BTRC: variants seen among roughly 807,000 people sequenced by gnomAD.
The protein encoded by BTRC is beta-transducin repeat containing E3 ubiquitin protein ligase.
BTRC carries 42 observed loss-of-function variants against 85.5 expected under a neutral mutation model. That is an observed-to-expected ratio of 0.49 (90% CI 0.38 to 0.64). BTRC has a LOEUF of 0.64. Ranked by LOEUF, BTRC falls within the 30% of genes least tolerant of loss-of-function variation. The pLI is 0.00. For synonymous variants in BTRC, 255 were observed against 263.3 expected (o/e 0.97, Z 0.30); for missense variants, 594 against 743.5 (o/e 0.80, Z 2.34).
intron 2 of BTRC, among the ~76,000 whole-genome samples, chr10:101,433,905 G>A (rs1446150980): frequency 6.6e-6 from 1 of 151,692 alleles, no homozygotes; most frequent in African/African-American, 2.4e-5. Context: ...AAGTGCTTTT[G>A]TTTATATGGC....
intron 3 of BTRC, among the ~76,000 whole-genome samples, chr10:101,467,676 A>C (rs1945416287): frequency 6.6e-6 from 1 of 151,820 alleles, no homozygotes; most frequent in African/African-American, 2.4e-5. Flanking sequence ...TTGCCCTCCT[A>C]AAGTGCTTTG....
intron 1 of BTRC, among the ~76,000 whole-genome samples, chr10:101,413,164 G>A (rs574670329): frequency 7.9e-5 from 12 of 152,110 alleles, no homozygotes; most frequent in East Asian, 7.8e-4. Context: ...TTGCTCTGTC[G>A]CCCAGGCTAG....
At chr10:101,484,226 CCACT>C (rs1332072047) in intron 4 of BTRC, among the ~76,000 whole-genome samples, 7 of 152,146 alleles carry the variant, frequency 4.6e-5, no homozygotes, top group Admixed American at 1.3e-4. Context: ...ATGTTCCTTT[CCACT>C]CACTCCAGAT....
At chr10:101,354,292 GGCCGCCCGCCCACT>G (rs1316859779) in intron 1 of BTRC, 64 bp downstream of exon 1, 1 of 1,529,738 alleles carries the variant, frequency 6.5e-7, no homozygotes, top group African/African-American at 1.4e-5. Context: ...CGCTGGCCTG[GGCCGCCCGCCCACT>G]GCGGGACCGG....
chr10:101,530,842 C>T (rs564399896), intron 6 of BTRC, among the ~76,000 whole-genome samples: 35 of 152,226 alleles, frequency 2.3e-4, no homozygotes, highest in Admixed American at 7.2e-4. Flanking sequence ...GAATGGTAAC[C>T]GTGAAAACAC....
In BTRC at chr10:101,483,969, T is replaced by C. The variant is rs1303342242; in HGVS notation, c.324+4512T>C. ...TGCAAATTTTGGTCTTAGGTTTTTT[T>C]CCCTAATTTACCCTTACCCACACCC... On this transcript the variant is annotated intron_variant, in intron 4 of 14. Transcript: ENST00000370187. 3.3e-5 allele frequency among the ~76,000 whole-genome samples: 5 copies of C among 152,324 alleles called. No individual in the cohort carries two copies. The East Asian group carries it at 5.8e-4, about 18-fold the overall frequency.
rs143730581 is a variant in BTRC, at chr10:101,374,839, A to G, written c.48+20611A>G. On this transcript the variant is annotated intron_variant, in intron 1 of 14. Transcript: ENST00000370187. ...GCATAAAAAGTAGGCTGAACTGAAG[A>G]TTGAAGATCTCTGGACCAGCTGTAC... 6.9e-3 allele frequency among the ~76,000 whole-genome samples: 1,053 copies of G among 152,188 alleles called. 5 individuals carry two copies. Among genetic ancestry groups the G allele is most frequent in the Middle Eastern group, 0.02 (6 of 294 alleles).
At chr10:101,367,014 A>T (rs1295447244) in intron 1 of BTRC, among the ~76,000 whole-genome samples, 3 of 71,636 alleles carry the variant, frequency 4.2e-5, no homozygotes, top group Non-Finnish European at 5.5e-5. Flanking sequence ...ATTTATATAT[A>T]TATTTATATT....
chr10:101,531,183 T>G, intron 6 of BTRC, 54 bp from the exon 7 acceptor site: 1 of 1,360,002 alleles, frequency 7.4e-7, no homozygotes, highest in Non-Finnish European at 1.0e-6. Context: ...AATATATATG[T>G]ATTTAAATAT....
intron 4 of BTRC, among the ~76,000 whole-genome samples, chr10:101,500,233 A>G (rs117898309): frequency 0.018 from 2,796 of 152,192 alleles, 41 homozygotes; most frequent in Non-Finnish European, 0.028. Flanking sequence ...TGGTATACCT[A>G]TTACTCCTAG....
intron 6 of BTRC, among the ~76,000 whole-genome samples, chr10:101,526,682 A>G (rs1261132549): frequency 6.6e-6 from 1 of 152,264 alleles, no homozygotes; most frequent in African/African-American, 2.4e-5. Context: ...GTAGAGGCTG[A>G]GGCAGGAGAA....
chr10:101,359,619 A>ATTTT (rs1942143888), intron 1 of BTRC, among the ~76,000 whole-genome samples: 1 of 77,888 alleles, frequency 1.3e-5, no homozygotes, highest in Non-Finnish European at 3.6e-5. Context: ...TTTTTTTTTG[A>ATTTT]GATGGAGTTT....
chr10:101,531,536 A>G (rs763114494), intron 7 of BTRC, among the ~76,000 whole-genome samples: 4 of 152,088 alleles, frequency 2.6e-5, no homozygotes, highest in African/African-American at 7.2e-5. Context: ...CCTGGCTAAC[A>G]TGGTGAGACC....
chr10:101,532,800 G>GCGCGCA, intron 8 of BTRC, 152 bp from the exon 9 acceptor site: 1 of 637,958 alleles, frequency 1.6e-6, no homozygotes, highest in South Asian at 1.9e-5. Flanking sequence ...GCGCGTGTGC[G>GCGCGCA]CGCGCGCGCG....
chr10:101,476,922 G>A (rs1945704843), intron 3 of BTRC, among the ~76,000 whole-genome samples: 1 of 152,054 alleles, frequency 6.6e-6, no homozygotes, highest in African/African-American at 2.4e-5. Context: ...ACGTCAACTG[G>A]GGCCTTGTTA....
chr10:101,442,951 G>A (rs936908159), intron 2 of BTRC, among the ~76,000 whole-genome samples: 2 of 139,572 alleles, frequency 1.4e-5, no homozygotes, highest in African/African-American at 2.8e-5. Context: ...GTGCCATCTC[G>A]GCTCACTGCA....
intron 2 of BTRC, among the ~76,000 whole-genome samples, chr10:101,451,449 A>T (rs1275513162): frequency 1.3e-5 from 2 of 152,200 alleles, no homozygotes; most frequent in Non-Finnish European, 2.9e-5. Flanking sequence ...AAAGGCAGCC[A>T]TCTATCTAGG....
chr10:101,385,458 A>T (rs1943045123), intron 1 of BTRC, among the ~76,000 whole-genome samples: 1 of 151,354 alleles, frequency 6.6e-6, no homozygotes, highest in African/African-American at 2.4e-5. Flanking sequence ...GAAGGAAGAA[A>T]AATACTGTTT....
In BTRC at chr10:101,354,214, G is replaced by A. The variant is rs1047059812; in HGVS notation, c.34G>A (p.Ala12Thr). The A allele has an allele frequency of 2.6e-6, 4 of 1,549,250 alleles. No individual in the cohort carries two copies. Among genetic ancestry groups the A allele is most frequent in the Non-Finnish European group, 3.5e-6 (4 of 1,146,664 alleles). Residue 12 changes from alanine (A) to threonine (T), a missense_variant, in exon 1 of 15, where the codon GCA becomes ACA. Around this residue, in one of 4 missense-constraint regions of BTRC, gnomAD observed 163 missense variants for 180.5 expected, o/e 0.90. Transcript: ENST00000370187. The stretch of plus-strand genomic sequence containing the variant: ...GGCCGAGGCGGTGCTGCAAGAGAAG[G>A]CACTCAAGTTTATGGTGAGGAGACG... ...DPAEAVLQEK[A>T]LKFMCSMPRS...
Sources: allele counts gnomAD v4.1 joint callset (sites outside exome capture counted in the v4.1 genomes callset), GRCh38; gene constraint gnomAD v4.1.1; regional missense constraint gnomAD v4.1.1; transcripts MANE v1.5; gene names NCBI Gene and HGNC (gene_info 2026-07-23, HGNC 2026-07-21).